Variants in ITIH5 observed in about 807,000 individuals in gnomAD.
ITIH5 encodes inter-alpha-trypsin inhibitor heavy chain H5.
In ITIH5, 65 loss-of-function variants were observed where a neutral mutation model predicts 77.5. The observed-to-expected ratio is 0.84, with a 90% CI of 0.69 to 1.03. The LOEUF is 1.03. Among genes scored for constraint, ITIH5 ranks in the 50% least tolerant of loss-of-function variants. The pLI is 0.00. For missense variants in ITIH5, 1,208 were observed against 1,213.1 expected (o/e 1.00, Z 0.06); for synonymous variants, 525 against 494.3 (o/e 1.06, Z -0.82).
intron 4 of ITIH5, among the ~76,000 whole-genome samples, chr10:7,640,092 C>CA (rs941908995): frequency 2.4e-5 from 2 of 84,838 alleles, no homozygotes; most frequent in African/African-American, 9.3e-5. Flanking sequence ...TTATTTTTAT[C>CA]AAAAAAAATT....
rs541450320 is a variant in ITIH5 at position 7,646,722 on chromosome 10, T to C, written c.136-4632A>G. Reference sequence around the variant, plus strand: ...ATGTTGTCCCTCAATCCCCTCTATATAGTCCTTCCAAATGGGCAAGTGTAG... The same window carrying C: ...ATGTTGTCCCTCAATCCCCTCTATACAGTCCTTCCAAATGGGCAAGTGTAG... On this transcript the variant is annotated intron_variant, in intron 2 of 13. Coordinates refer to ENST00000397146, the MANE Select transcript of ITIH5 (RefSeq NM_030569.7). Among the ~76,000 whole-genome samples the C allele has an allele frequency of 1.5e-3, 232 of 152,250 alleles. 1 individual carries two copies. The highest frequency in any genetic ancestry group is 5.0e-3 in the African/African-American group (207 of 41,556).
intron 1 of ITIH5, among the ~76,000 whole-genome samples, chr10:7,666,528 G>A (rs890281236): frequency 5.3e-5 from 8 of 152,108 alleles, no homozygotes; most frequent in African/African-American, 1.9e-4. Context: ...TAACAACGAC[G>A]AACAGAAATC....
At chr10:7,656,114 C>T (rs1271061581) in intron 1 of ITIH5, among the ~76,000 whole-genome samples, 2 of 152,212 alleles carry the variant, frequency 1.3e-5, no homozygotes, top group Non-Finnish European at 2.9e-5. Context: ...CTCCAGGAAA[C>T]TCTGGAAGCA....
Position 7,637,344 on chromosome 10 carries a change from TGG to T in ITIH5, c.534_535del (p.Gln179AlafsTer40), listed in dbSNP as rs1375723549. ...CACGCTCAGCCTCCCGGACAGCTGC[TGG>T]GGCCGCACGCTGATGCTGTGCTCGT... On this transcript the variant is annotated frameshift_variant, in exon 5 of 14. Transcript: ENST00000397146. LOFTEE classifies it high-confidence loss of function. 1.2e-6 allele frequency: 2 copies of T among 1,614,050 alleles called. No homozygotes were observed. Among genetic ancestry groups the T allele is most frequent in the Non-Finnish European group, 1.7e-6 (2 of 1,180,042 alleles).
In ITIH5 at chr10:7,580,019, T is replaced by C. The variant is rs1433123779; in HGVS notation, c.1154A>G (p.Asn385Ser). Residue 385 changes from asparagine (N) to serine (S), a missense_variant, in exon 9 of 14, where the codon AAC becomes AGC. Coordinates refer to ENST00000397146, the MANE Select transcript of ITIH5 (RefSeq NM_030569.7). ...GALQRAIRLLNKYVAHSGIGD... is the reference protein window; with the variant it reads ...GALQRAIRLLSKYVAHSGIGD... ...AATGCCACTGTGGGCCACGTACTTG[T>C]TGAGGAGCCTGATGGCCCTCTGCAG... is the stretch of plus-strand genomic sequence containing the variant. The C allele has an allele frequency of 1.9e-6, 3 of 1,612,914 alleles. No individual in the cohort carries two copies. The highest frequency in any genetic ancestry group is 2.5e-6 in the Non-Finnish European group (3 of 1,179,744).
chr10:7,577,680 A>G (rs1832453462), intron 9 of ITIH5, among the ~76,000 whole-genome samples: 1 of 152,250 alleles, frequency 6.6e-6, no homozygotes, highest in Non-Finnish European at 1.5e-5. Context: ...TTGCTAAGTA[A>G]GGAGACAATT....
rs1343643112 is a variant in ITIH5, at chr10:7,579,977, G to A, written c.1196C>T (p.Ser399Phe). ...AHSGIGDRSV[S>F]LIVFLTDGKP... ...CCCATCCGTCAGGAAGACGATGAGG[G>A]ACACGCTCCGGTCTCCAATGCCACT... The change falls in exon 9 of 14, where the codon TCC becomes TTC. Residue 399 changes from serine to phenylalanine, a missense_variant. Transcript: ENST00000397146. 1 of 1,614,036 alleles carries A rather than the reference G, an allele frequency of 6.2e-7. No homozygotes were observed.
At chr10:7,639,180 C>G (rs191214793) in intron 4 of ITIH5, among the ~76,000 whole-genome samples, 1 of 152,056 alleles carries the variant, frequency 6.6e-6, no homozygotes, top group South Asian at 2.1e-4. Flanking sequence ...ACCAGAGGCA[C>G]GATGAGGCAA....
intron 9 of ITIH5, among the ~76,000 whole-genome samples, chr10:7,579,167 A>G (rs1305569105): frequency 6.6e-6 from 1 of 152,230 alleles, no homozygotes; most frequent in Non-Finnish European, 1.5e-5. Context: ...TTTTCTCATT[A>G]AATTCTGCAA....
intron 8 of ITIH5, 118 bp downstream of exon 8, chr10:7,585,783 C>T (rs12413114): frequency 0.26 from 232,676 of 881,864 alleles, 33,020 homozygotes; most frequent in East Asian, 0.42. Context: ...TGCAGTCTCC[C>T]TTCCTGCCAT....
intron 2 of ITIH5, among the ~76,000 whole-genome samples, chr10:7,653,621 G>C (rs1425170383): frequency 6.6e-6 from 1 of 152,116 alleles, no homozygotes; most frequent in Non-Finnish European, 1.5e-5. Context: ...AAAAAATCTG[G>C]AAATAAATTG....
At chr10:7,592,169 A>G (rs1055922507) in intron 7 of ITIH5, among the ~76,000 whole-genome samples, 10 of 152,282 alleles carry the variant, frequency 6.6e-5, no homozygotes, top group African/African-American at 2.4e-4. Flanking sequence ...ATGCCCAGAC[A>G]CTTTTTCTGG....
At chr10:7,567,486 C>T (rs1832213009) in intron 12 of ITIH5, among the ~76,000 whole-genome samples, 1 of 146,060 alleles carries the variant, frequency 6.8e-6, no homozygotes, top group Admixed American at 7.1e-5. Context: ...TATCCCGCCC[C>T]CCTACCCTGA....
chr10:7,637,306 G>A lies in ITIH5; in HGVS notation c.574C>T (p.Leu192=). ...SGRLSVDVNI[L]ESAGIASLEV... ...AGGGATGCGATGCCCGCGCTCTCCA[G>A]GATATTCACGTCCACGCTCAGCCTC... is the stretch of plus-strand genomic sequence containing the variant. Residue 192 remains leucine, a synonymous_variant, in exon 5 of 14, where the codon CTG becomes TTG. Transcript: ENST00000397146. 6.2e-7 allele frequency: 1 copy of A among 1,613,672 alleles called. No homozygotes were observed. Among genetic ancestry groups the A allele is most frequent in the Middle Eastern group, 1.6e-4 (1 of 6,062 alleles).
chr10:7,615,746 G>A (rs1833350525), intron 7 of ITIH5, among the ~76,000 whole-genome samples: 1 of 152,176 alleles, frequency 6.6e-6, no homozygotes, highest in African/African-American at 2.4e-5. Context: ...CTCTGCCAGT[G>A]CTGTTTATTT....
intron 7 of ITIH5, among the ~76,000 whole-genome samples, chr10:7,605,033 G>A (rs1252498668): frequency 2.6e-5 from 4 of 152,012 alleles, no homozygotes; most frequent in Non-Finnish European, 5.9e-5. Context: ...TGTTGCCCAG[G>A]CTGGTCTCGA....
intron 7 of ITIH5, among the ~76,000 whole-genome samples, chr10:7,602,112 C>A (rs1833027853): frequency 6.6e-6 from 1 of 152,118 alleles, no homozygotes; most frequent in African/African-American, 2.4e-5. Flanking sequence ...CCTCAGCCTC[C>A]CAAAGTGCTG....
In ITIH5 at chr10:7,559,725, A is replaced by G. The variant is rs1197553645; in HGVS notation, c.*3358T>C. 1 of 435,930 alleles carries G rather than the reference A, an allele frequency of 2.3e-6. No homozygotes were observed. The highest frequency in any genetic ancestry group is 4.6e-6 in the Non-Finnish European group (1 of 219,428). The allele number at this position is 435,930 out of a possible 1,614,324, so 27.0% of individuals were successfully genotyped here. A position where few individuals can be genotyped will look rare whatever the true frequency, so the allele number is the denominator to read the frequency against. On this transcript the variant is annotated 3_prime_UTR_variant, in exon 14 of 14. Transcript: ENST00000397146. The stretch of plus-strand genomic sequence containing the variant: ...CACAGTTCTGGAGGCTGGGAGGTCC[A>G]AGATCAAGGTGCCAGCAGACATGGT...
At chr10:7,649,858 A>G (rs1834069079) in intron 2 of ITIH5, among the ~76,000 whole-genome samples, 2 of 152,236 alleles carry the variant, frequency 1.3e-5, no homozygotes, top group African/African-American at 4.8e-5. Context: ...AAAATGTGTC[A>G]TGAAAGGAAG....
Sources: allele counts gnomAD v4.1 joint callset (sites outside exome capture counted in the v4.1 genomes callset), GRCh38; gene constraint gnomAD v4.1.1; transcripts MANE v1.5; gene names NCBI Gene and HGNC (gene_info 2026-07-23, HGNC 2026-07-21).